Variants in ANKRD30B observed in about 807,000 individuals in gnomAD.
The protein encoded by ANKRD30B is ankyrin repeat domain-containing protein 30B.
A neutral mutation model predicts 202.2 loss-of-function variants in ANKRD30B; 144 were observed. That is an observed-to-expected ratio of 0.71 (90% CI 0.62 to 0.82). ANKRD30B has a LOEUF of 0.82. ANKRD30B is among the 40% of genes least tolerant of loss of function. The probability of loss-of-function intolerance (pLI) is 0.00; values close to 1 mark genes in which losing one functional copy is unlikely to be tolerated. For missense variants in ANKRD30B, 1,487 were observed against 1,669.1 expected, an observed-to-expected ratio of 0.89 and a Z score of 1.90; for synonymous variants, 508 against 561.3, an observed-to-expected ratio of 0.91 and a Z score of 1.34.
chr18:14,885,932 T>C, the ANKRD30B span, among the ~76,000 whole-genome samples: 1 of 152,164 alleles, frequency 6.6e-6, no homozygotes, highest in East Asian at 1.9e-4. Flanking sequence ...AATTTTATCT[T>C]TCAAAGAACA....
At chr18:14,837,060 G>A in intron 34 of ANKRD30B, 151 bp from the exon 35 acceptor site, 1 of 561,968 alleles carries the variant, frequency 1.8e-6, no homozygotes, top group South Asian at 2.8e-5. Context: ...GCTTCTCCCA[G>A]GATAGTGCCT....
the ANKRD30B span, among the ~76,000 whole-genome samples, chr18:14,864,890 TCAC>T: frequency 6.6e-6 from 1 of 151,884 alleles, no homozygotes. Context: ...CTCCTCCTGC[TCAC>T]CACGCTCTTT....
chr18:14,908,597 C>T, the ANKRD30B span, among the ~76,000 whole-genome samples: 155 of 152,300 alleles, frequency 1.0e-3, no homozygotes, highest in African/African-American at 3.4e-3. Flanking sequence ...TCCATGTGTT[C>T]GTGTGCTTTA....
chr18:14,807,265 T>G (rs1339273519), intron 24 of ANKRD30B, among the ~76,000 whole-genome samples: 13 of 151,100 alleles, frequency 8.6e-5, no homozygotes, highest in East Asian at 5.8e-4. Flanking sequence ...TTTGAGGAAA[T>G]GAGATATATT....
chr18:14,793,669 C>T (rs1173538633), intron 16 of ANKRD30B, among the ~76,000 whole-genome samples: 6 of 152,136 alleles, frequency 3.9e-5, no homozygotes, highest in Non-Finnish European at 5.9e-5. Context: ...CCGAGGCGGG[C>T]GGATCACGAG....
the ANKRD30B span, among the ~76,000 whole-genome samples, chr18:14,923,333 C>A: frequency 6.6e-6 from 1 of 152,044 alleles, no homozygotes; most frequent in South Asian, 2.1e-4. Context: ...ACTGAAGGGC[C>A]CTTGGGTTCT....
the ANKRD30B span, among the ~76,000 whole-genome samples, chr18:14,901,485 T>A: frequency 6.6e-6 from 1 of 152,118 alleles, no homozygotes; most frequent in African/African-American, 2.4e-5. Context: ...CCAAAACAAT[T>A]TTTGTAACTT....
chr18:14,848,956 A>G (rs1472087670), intron 40 of ANKRD30B, 27 bp downstream of exon 40: 2 of 1,466,854 alleles, frequency 1.4e-6, no homozygotes, highest in Non-Finnish European at 9.0e-7. Context: ...TTAAATAAAT[A>G]TTTCAACTAT....
the ANKRD30B span, among the ~76,000 whole-genome samples, chr18:14,870,721 C>A: frequency 1.3e-5 from 2 of 152,150 alleles, no homozygotes; most frequent in Non-Finnish European, 2.9e-5. Flanking sequence ...TGGGCCCTGG[C>A]TCCATGAAGC....
intron 33 of ANKRD30B, 98 bp from the exon 34 acceptor site, chr18:14,831,285 T>A (rs1296019487): frequency 2.6e-6 from 2 of 776,188 alleles, no homozygotes; most frequent in African/African-American, 1.8e-5. Flanking sequence ...TTTTGTTTTT[T>A]GTTCTCATTT....
chr18:14,877,044 T>C, the ANKRD30B span, among the ~76,000 whole-genome samples: 1 of 152,224 alleles, frequency 6.6e-6, no homozygotes, highest in African/African-American at 2.4e-5. Context: ...CTGGCTTCTG[T>C]CCCTGGAGGA....
Position 14,797,964 on chromosome 18 carries a change from A to C in ANKRD30B, c.2029+110A>C, listed in dbSNP as rs187813913. 249 of 1,052,404 alleles carry C rather than the reference A, an allele frequency of 2.4e-4. 3 individuals are homozygous for C. The East Asian group carries it at 5.8e-3, about 25-fold the overall frequency. The allele number at this position is 1,052,404 out of a possible 1,614,324, so 65.2% of individuals were successfully genotyped here. ...TTTTCTTTTGAAAATTTGATGGGAA[A>C]ATTTGATACAAATAATGCCAATGTT... On this transcript the variant is annotated intron_variant, in intron 20 of 43. Transcript: ENST00000690538.
chr18:14,771,005 C>T lies in ANKRD30B; in HGVS notation c.1257-1151C>T, dbSNP rs200644546. Among the ~76,000 whole-genome samples, 3 of 152,254 alleles carry T rather than the reference C, an allele frequency of 2.0e-5. 1 individual carries two copies. In the East Asian group the frequency reaches 5.8e-4, roughly 29 times the overall value. On this transcript the variant is annotated intron_variant, in intron 8 of 43. Coordinates refer to ENST00000690538, the MANE Select transcript of ANKRD30B (RefSeq NM_001367607.2). The stretch of plus-strand genomic sequence containing the variant: ...CTCCCCTTTGTCTCTTTTCCCAAGC[C>T]TCAGATGTCCTACCCATGTACATAT...
Position 14,848,844 on chromosome 18 carries a change from CAAA to C in ANKRD30B, c.3312_3314del (p.Lys1105del). ...AACGAAAAATAAGTTTTGTGTACTA[CAAA>C]AGGAACTGTCAGAAGCGAAAGAAAT... On this transcript the variant is annotated inframe_deletion, in exon 40 of 44. Coordinates refer to ENST00000690538, the MANE Select transcript of ANKRD30B (RefSeq NM_001367607.2). 4.4e-6 allele frequency: 7 copies of C among 1,597,782 alleles called. No individual in the cohort carries two copies. In the South Asian group the frequency reaches 6.8e-5, roughly 16 times the overall value.
At chr18:14,789,567 A>G (rs1259550914) in intron 15 of ANKRD30B, among the ~76,000 whole-genome samples, 1 of 152,178 alleles carries the variant, frequency 6.6e-6, no homozygotes, top group East Asian at 1.9e-4. Flanking sequence ...TACTTTTTGT[A>G]TAAGGTGTAA....
chr18:14,938,444 C>T, the ANKRD30B span, among the ~76,000 whole-genome samples: 1 of 152,208 alleles, frequency 6.6e-6, no homozygotes, highest in African/African-American at 2.4e-5. Flanking sequence ...CTTCCACCCC[C>T]AACCCATATT....
At chr18:14,909,210 C>T in the ANKRD30B span, among the ~76,000 whole-genome samples, 1 of 152,164 alleles carries the variant, frequency 6.6e-6, no homozygotes, top group Non-Finnish European at 1.5e-5. Context: ...TGTAAATTGA[C>T]AGGGCTGAAC....
chr18:14,871,222 C>T, the ANKRD30B span, among the ~76,000 whole-genome samples: 1 of 102,898 alleles, frequency 9.7e-6, no homozygotes, highest in African/African-American at 3.8e-5. Flanking sequence ...GCACCCCCAC[C>T]CCACCCTCCC....
chr18:14,919,949 G>A, the ANKRD30B span, among the ~76,000 whole-genome samples: 1 of 152,196 alleles, frequency 6.6e-6, no homozygotes, highest in African/African-American at 2.4e-5. Flanking sequence ...TCTGGGGAAG[G>A]CCCCAAGAGG....
Sources: gnomAD v4.1 joint callset for allele counts (sites outside exome capture counted in the v4.1 genomes callset) on GRCh38, gnomAD v4.1.1 for gene constraint, MANE v1.5 for transcripts, NCBI Gene and HGNC (gene_info 2026-07-23, HGNC 2026-07-21) for gene names.